TNR: variants seen among roughly 807,000 people sequenced by gnomAD.
The protein encoded by TNR is tenascin R.
In TNR, 45 loss-of-function variants were observed where a neutral mutation model predicts 150.4. That is an observed-to-expected ratio of 0.30 (90% CI 0.24 to 0.38). TNR has a LOEUF of 0.38. Among genes scored for constraint, TNR ranks in the 10% least tolerant of loss-of-function variants. The probability of loss-of-function intolerance (pLI) is 1.00; values close to 1 mark genes in which losing one functional copy is unlikely to be tolerated. For synonymous variants in TNR, 687 were observed against 678.4 expected, an observed-to-expected ratio of 1.01 and a Z score of -0.20; for missense variants, 1,544 against 1,759.1, an observed-to-expected ratio of 0.88 and a Z score of 2.19.
At chr1:175,683,965 G>A (rs1296959463) in intron 1 of TNR, among the ~76,000 whole-genome samples, 1 of 152,212 alleles carries the variant, frequency 6.6e-6, no homozygotes, top group Non-Finnish European at 1.5e-5. Context: ...TCCCAAGGTG[G>A]GAAGGGAGCC....
chr1:175,545,081 C>T (rs1421386520), intron 1 of TNR, among the ~76,000 whole-genome samples: 5 of 152,122 alleles, frequency 3.3e-5, no homozygotes, highest in African/African-American at 4.8e-5. Context: ...TAAAGGAAAA[C>T]ATTTATTGTC....
At chr1:175,439,465 G>A (rs1301586688) in intron 2 of TNR, among the ~76,000 whole-genome samples, 1 of 151,884 alleles carries the variant, frequency 6.6e-6, no homozygotes, top group Non-Finnish European at 1.5e-5. Flanking sequence ...ATAGGCATGG[G>A]CAAGGACTTC....
chr1:175,391,139 G>A, intron 7 of TNR, 149 bp downstream of exon 7: 1 of 863,628 alleles, frequency 1.2e-6, no homozygotes, highest in Non-Finnish European at 1.8e-6. Flanking sequence ...GCATCTGGTA[G>A]AGTAGCTCCA....
At chr1:175,732,313 C>G (rs1324278290) in intron 1 of TNR, among the ~76,000 whole-genome samples, 1 of 152,124 alleles carries the variant, frequency 6.6e-6, no homozygotes, top group Non-Finnish European at 1.5e-5. Context: ...CAGCTTTGGC[C>G]CAGATAATCC....
chr1:175,405,720 G>T (rs1456434298), intron 3 of TNR, among the ~76,000 whole-genome samples: 1 of 152,036 alleles, frequency 6.6e-6, no homozygotes, highest in Non-Finnish European at 1.5e-5. Flanking sequence ...GATGGGGATA[G>T]GTCCTCTGAG....
rs188791545 is a variant in TNR at position 175,729,245 on chromosome 1, C to T, written c.-165+13981G>A. On this transcript the variant is annotated intron_variant, in intron 1 of 22. Transcript: ENST00000367674. ...AATGCCCCCATTTGAATTGCTGACA[C>T]GCAAATCAATAGGGAAGCATTTTCC... 8.7e-4 allele frequency among the ~76,000 whole-genome samples: 132 copies of T among 152,212 alleles called. No homozygotes were observed. In the Middle Eastern group the frequency reaches 0.017, roughly 20 times the overall value.
chr1:175,705,560 G>T (rs1014370388), intron 1 of TNR, among the ~76,000 whole-genome samples: 1 of 152,056 alleles, frequency 6.6e-6, no homozygotes, highest in African/African-American at 2.4e-5. Context: ...CCAATGGTGT[G>T]TATGTGTGAT....
chr1:175,365,001 C>T lies in TNR; in HGVS notation c.2587+9G>A. On this transcript the variant is annotated intron_variant, in intron 12 of 22. Transcript: ENST00000367674. ...TTTCATCACCTGCTGCCAAGTCCTC[C>T]AGCCTCACCTGTGGTGATGGAGCCC... 1.3e-6 allele frequency: 2 copies of T among 1,593,372 alleles called. No homozygotes were observed. The highest frequency in any genetic ancestry group is 1.7e-6 in the Non-Finnish European group (2 of 1,165,458).
At chr1:175,456,631 AT>A (rs11305391) in intron 2 of TNR, among the ~76,000 whole-genome samples, 103,720 of 152,010 alleles carry the variant, frequency 0.68, 36,663 homozygotes, top group African/African-American at 0.87. Flanking sequence ...TGCATGAGAG[AT>A]TTTTTTTAAG....
intron 2 of TNR, among the ~76,000 whole-genome samples, chr1:175,453,392 G>T (rs1656412985): frequency 6.6e-6 from 1 of 152,106 alleles, no homozygotes; most frequent in Admixed American, 6.6e-5. Context: ...ATGTGGAAGG[G>T]AAGCAACTGA....
In TNR at chr1:175,436,070, A is replaced by G. The variant is rs181739661; in HGVS notation, c.-63-29293T>C. On this transcript the variant is annotated intron_variant, in intron 2 of 22. Coordinates refer to ENST00000367674, the MANE Select transcript of TNR (RefSeq NM_003285.3). ...ACCTTTCTCTCTGGCTGCCCTTAAC[A>G]TTTTTTCCTTCATTTCAACTTTGGT... is the stretch of plus-strand genomic sequence containing the variant. Among the ~76,000 whole-genome samples, 390 of 151,956 alleles carry G rather than the reference A, an allele frequency of 2.6e-3. 3 individuals are homozygous for G. The highest frequency in any genetic ancestry group is 2.4e-3 in the Non-Finnish European group (162 of 67,974).
intron 1 of TNR, among the ~76,000 whole-genome samples, chr1:175,617,852 T>C (rs757282216): frequency 9.2e-5 from 14 of 152,238 alleles, no homozygotes; most frequent in African/African-American, 2.2e-4. Context: ...AAAATCTTTA[T>C]CTTTTCAAAG....
At chr1:175,732,819 A>G (rs1318687055) in intron 1 of TNR, among the ~76,000 whole-genome samples, 1 of 152,268 alleles carries the variant, frequency 6.6e-6, no homozygotes, top group African/African-American at 2.4e-5. Flanking sequence ...ACAGCACCTC[A>G]TTCCAAAAGG....
chr1:175,650,233 A>C (rs1483138634), intron 1 of TNR, among the ~76,000 whole-genome samples: 1 of 152,038 alleles, frequency 6.6e-6, no homozygotes, highest in African/African-American at 2.4e-5. Context: ...AAATACAAAA[A>C]TTAGCTGAGT....
At chr1:175,535,538 G>A (rs1323610448) in intron 1 of TNR, among the ~76,000 whole-genome samples, 2 of 151,926 alleles carry the variant, frequency 1.3e-5, no homozygotes, top group African/African-American at 4.8e-5. Context: ...TCGGCTCACT[G>A]CAAGCTCTGC....
Position 175,359,609 on chromosome 1 carries a change from C to A in TNR, c.2974+3G>T, listed in dbSNP as rs752845484. On this transcript the variant is annotated splice_donor_region_variant and intron_variant, in intron 15 of 22. Transcript: ENST00000367674. Reference sequence around the variant, plus strand: ...CCTGATCTGCAGGCCTGCAGACACCCACCTGCAAAGTGTGTAAGAACAATG... The same window carrying A: ...CCTGATCTGCAGGCCTGCAGACACCAACCTGCAAAGTGTGTAAGAACAATG... 1 of 1,613,362 alleles carries A rather than the reference C, an allele frequency of 6.2e-7. No individual in the cohort carries two copies. The highest frequency in any genetic ancestry group is 8.5e-7 in the Non-Finnish European group (1 of 1,179,762).
At chr1:175,389,823 C>T (rs1653093141) in intron 7 of TNR, among the ~76,000 whole-genome samples, 1 of 152,196 alleles carries the variant, frequency 6.6e-6, no homozygotes, top group African/African-American at 2.4e-5. Flanking sequence ...TGTGGAAAAC[C>T]TCAGCCACCG....
At chr1:175,529,399 A>T (rs1363801336) in intron 1 of TNR, among the ~76,000 whole-genome samples, 1 of 152,222 alleles carries the variant, frequency 6.6e-6, no homozygotes, top group African/African-American at 2.4e-5. Context: ...GAAGAAGTGT[A>T]AAGATTATTT....
intron 4 of TNR, among the ~76,000 whole-genome samples, chr1:175,397,556 G>A (rs1653491618): frequency 6.6e-6 from 1 of 152,200 alleles, no homozygotes; most frequent in Non-Finnish European, 1.5e-5. Flanking sequence ...TGCAAATTAT[G>A]AGAAGCCAAA....
Sources: gnomAD v4.1 joint callset for allele counts (sites outside exome capture counted in the v4.1 genomes callset) on GRCh38, gnomAD v4.1.1 for gene constraint, MANE v1.5 for transcripts, NCBI Gene and HGNC (gene_info 2026-07-23, HGNC 2026-07-21) for gene names.